LRRC4C: variants seen among roughly 807,000 people sequenced by gnomAD.
The protein encoded by LRRC4C is leucine rich repeat containing 4C, also known as leucine-rich repeat-containing protein 4C.
A neutral mutation model predicts 33.6 loss-of-function variants in LRRC4C; 5 were observed. The observed-to-expected ratio is 0.15, with a 90% CI of 0.08 to 0.31. The LOEUF is 0.31. Ranked by LOEUF, LRRC4C falls within the 10% of genes least tolerant of loss-of-function variation. The pLI, the probability that LRRC4C is intolerant of heterozygous loss-of-function variation, is 1.00. For missense variants in LRRC4C, 560 were observed against 796.7 expected (o/e 0.70, Z 3.58); for synonymous variants, 329 against 302.0 (o/e 1.09, Z -0.93).
intron 3 of LRRC4C, among the ~76,000 whole-genome samples, chr11:40,647,545 A>G (rs1942541691): frequency 6.6e-6 from 1 of 152,142 alleles, no homozygotes; most frequent in Admixed American, 6.5e-5. Context: ...AGTCACTTAG[A>G]CTTTCATTCT....
At chr11:41,212,747 G>A (rs906290312) in intron 1 of LRRC4C, among the ~76,000 whole-genome samples, 1 of 152,160 alleles carries the variant, frequency 6.6e-6, no homozygotes, top group African/African-American at 2.4e-5. Context: ...CAAAGGACAT[G>A]ATATTGAGCT....
At chr11:40,321,812 T>C (rs923676509) in intron 3 of LRRC4C, among the ~76,000 whole-genome samples, 3 of 152,210 alleles carry the variant, frequency 2.0e-5, no homozygotes, top group Admixed American at 1.3e-4. Flanking sequence ...TCCATTTCAA[T>C]TGTATGTTCA....
At chr11:40,753,503 C>T (rs1462462961) in intron 2 of LRRC4C, among the ~76,000 whole-genome samples, 1 of 148,128 alleles carries the variant, frequency 6.8e-6, no homozygotes, top group Non-Finnish European at 1.5e-5. Context: ...TGAAAAGTCC[C>T]ATTTTCATAC....
intron 1 of LRRC4C, among the ~76,000 whole-genome samples, chr11:41,243,928 T>C (rs571299662): frequency 1.3e-5 from 2 of 152,280 alleles, no homozygotes. Flanking sequence ...GTGATTGACC[T>C]AAGACCAAAA....
At chr11:40,472,363 G>A (rs1952984987) in intron 3 of LRRC4C, among the ~76,000 whole-genome samples, 1 of 151,106 alleles carries the variant, frequency 6.6e-6, no homozygotes, top group Non-Finnish European at 1.5e-5. Context: ...AATGACTACT[G>A]GGTAAATAAT....
chr11:41,143,755 T>C (rs530754382), intron 1 of LRRC4C, among the ~76,000 whole-genome samples: 1 of 152,288 alleles, frequency 6.6e-6, no homozygotes, highest in African/African-American at 2.4e-5. Context: ...GGGGCCATCA[T>C]AATTCCTTAA....
At chr11:41,067,840 A>G (rs1462377972) in intron 1 of LRRC4C, among the ~76,000 whole-genome samples, 1 of 152,188 alleles carries the variant, frequency 6.6e-6, no homozygotes, top group Non-Finnish European at 1.5e-5. Flanking sequence ...AGAAATCAAG[A>G]AGTTCTTTGA....
chr11:40,315,660 T>C (rs1157338025), intron 4 of LRRC4C, among the ~76,000 whole-genome samples: 1 of 151,980 alleles, frequency 6.6e-6, no homozygotes, highest in Non-Finnish European at 1.5e-5. Context: ...ATATTGCAAC[T>C]GCTTACAATA....
At chr11:40,279,058 G>A (rs1393045538) in intron 4 of LRRC4C, among the ~76,000 whole-genome samples, 1 of 152,182 alleles carries the variant, frequency 6.6e-6, no homozygotes, top group African/African-American at 2.4e-5. Flanking sequence ...AGAGGACTAT[G>A]CCAAGAGAAA....
intron 2 of LRRC4C, among the ~76,000 whole-genome samples, chr11:40,654,295 C>T (rs116508902): frequency 0.018 from 2,785 of 152,240 alleles, 81 homozygotes; most frequent in African/African-American, 0.064. Context: ...TGGGAAAAGC[C>T]ACAGACACTC....
At chr11:41,147,082 G>T (rs1210521130) in intron 1 of LRRC4C, among the ~76,000 whole-genome samples, 2 of 152,196 alleles carry the variant, frequency 1.3e-5, no homozygotes, top group African/African-American at 4.8e-5. Context: ...TTAGAAAGTA[G>T]TGAGTATTAT....
At chr11:40,407,677 G>A (rs778504665) in intron 3 of LRRC4C, among the ~76,000 whole-genome samples, 3 of 151,976 alleles carry the variant, frequency 2.0e-5, no homozygotes, top group Non-Finnish European at 2.9e-5. Context: ...ACCAAAAACA[G>A]AAACACAAAA....
rs543096524 is a variant in LRRC4C at position 40,618,516 on chromosome 11, CA to C, written c.-270+29625del. Reference sequence around the variant, plus strand: ...GTTTATGGTAATTTTTACGGTACCCCAAAAAAACTAATATACTATGCAATCG... The same window carrying C: ...GTTTATGGTAATTTTTACGGTACCCCAAAAAACTAATATACTATGCAATCG... On this transcript the variant is annotated intron_variant, in intron 3 of 6. Transcript: ENST00000528697. Among the ~76,000 whole-genome samples, 299 of 151,656 alleles carry C rather than the reference CA, an allele frequency of 2.0e-3. 1 individual carries two copies. The highest frequency in any genetic ancestry group is 6.9e-3 in the African/African-American group (284 of 41,426).
At chr11:41,246,243 C>A (rs543850361) in intron 1 of LRRC4C, among the ~76,000 whole-genome samples, 1 of 152,278 alleles carries the variant, frequency 6.6e-6, no homozygotes, top group East Asian at 1.9e-4. Context: ...CTCATCGGCA[C>A]CCAAAGTCCA....
In LRRC4C at chr11:41,159,272, CAGAGAAA is replaced by C. The variant is rs150351672; in HGVS notation, c.-495-225556_-495-225550del. Among the ~76,000 whole-genome samples the C allele has an allele frequency of 7.2e-3, 1,102 of 152,072 alleles. 6 individuals carry two copies. Among genetic ancestry groups the C allele is most frequent in the African/African-American group, 0.025 (1,030 of 41,470 alleles). ...TGCCACTGTACTCCAGCCTGGGCAA[CAGAGAAA>C]GACCCTGTCTCTAAAAAAAATAAAT... On this transcript the variant is annotated intron_variant, in intron 1 of 6. Transcript: ENST00000528697.
intron 1 of LRRC4C, among the ~76,000 whole-genome samples, chr11:40,963,240 T>G (rs910090443): frequency 6.6e-6 from 1 of 151,746 alleles, no homozygotes; most frequent in Non-Finnish European, 1.5e-5. Context: ...CTAAATAATT[T>G]TTAATACAAT....
At chr11:40,810,838 A>T (rs1951458393) in intron 2 of LRRC4C, among the ~76,000 whole-genome samples, 1 of 152,174 alleles carries the variant, frequency 6.6e-6, no homozygotes, top group African/African-American at 2.4e-5. Flanking sequence ...GGGCCTGCTA[A>T]ATGATCTGCC....
intron 5 of LRRC4C, among the ~76,000 whole-genome samples, chr11:40,154,854 A>G (rs1858547961): frequency 6.6e-6 from 1 of 152,206 alleles, no homozygotes; most frequent in South Asian, 2.1e-4. Context: ...GAACAAATGG[A>G]CTTAAACGAA....
chr11:40,801,974 T>C (rs1951062011), intron 2 of LRRC4C, among the ~76,000 whole-genome samples: 1 of 152,226 alleles, frequency 6.6e-6, no homozygotes, highest in Non-Finnish European at 1.5e-5. Flanking sequence ...CATCATTTAC[T>C]GCAGGGAGGA....
Sources: allele counts gnomAD v4.1 joint callset (sites outside exome capture counted in the v4.1 genomes callset), GRCh38; gene constraint gnomAD v4.1.1; transcripts MANE v1.5; gene names NCBI Gene and HGNC (gene_info 2026-07-23, HGNC 2026-07-21).